The following COX18 variants were observed in gnomAD, a reference collection of about 807,000 sequenced individuals.
The protein encoded by COX18 is cytochrome c oxidase assembly factor COX18.
COX18 carries 45 observed loss-of-function variants against 38.0 expected under a neutral mutation model. That is an observed-to-expected ratio of 1.18 (90% CI 0.93 to 1.52). COX18 has a LOEUF of 1.52. Ranked by LOEUF, COX18 falls within the 40% of genes most tolerant of loss-of-function variation. The probability of loss-of-function intolerance (pLI) is 0.00; values close to 1 mark genes in which losing one functional copy is unlikely to be tolerated. For synonymous variants in COX18, 177 were observed against 169.8 expected, an observed-to-expected ratio of 1.04 and a Z score of -0.33; for missense variants, 462 against 423.8, an observed-to-expected ratio of 1.09 and a Z score of -0.79.
intron 4 of COX18, among the ~76,000 whole-genome samples, chr4:73,063,879 A>C (rs1278619239): frequency 6.6e-6 from 1 of 152,242 alleles, no homozygotes; most frequent in African/African-American, 2.4e-5. Context: ...AATCATTTTT[A>C]AGATTTCTTC....
In COX18 at chr4:73,069,615, G is replaced by T; in HGVS notation, c.35C>A (p.Pro12Gln). ...AGCCCAAAGCTGCAGGGCAGGGAGC[G>T]GCCGCAGCCACCGACCGCCGAGCCG... ...LCRLGGRWLR[P>Q]LPALQLWARD... The change falls in exon 1 of 6, where the codon CCG becomes CAG. Residue 12 changes from proline (P) to glutamine (Q), a missense_variant. Physicochemically the swap from Pro to Gln is moderately conservative, Grantham distance 76. Coordinates refer to ENST00000507544, the MANE Select transcript of COX18 (RefSeq NM_001297732.2). 6.4e-7 allele frequency: 1 copy of T among 1,552,656 alleles called. No individual in the cohort carries two copies. The highest frequency in any genetic ancestry group is 8.7e-7 in the Non-Finnish European group (1 of 1,152,874).
intron 5 of COX18, among the ~76,000 whole-genome samples, chr4:73,061,202 G>C (rs1295446771): frequency 1.3e-5 from 2 of 152,074 alleles, no homozygotes; most frequent in African/African-American, 4.8e-5. Context: ...ATTTTGTTTT[G>C]TTTCTTTTTA....
Position 73,061,982 on chromosome 4 carries a change from C to T in COX18, c.724-62G>A, listed in dbSNP as rs112410933. ...TAAAACGCATATTAAATCAGACAAGCTTTAAAATATAAACTGATTTTTCAC... is the reference window on the plus strand; with the variant it reads ...TAAAACGCATATTAAATCAGACAAGTTTTAAAATATAAACTGATTTTTCAC... On this transcript the variant is annotated intron_variant, in intron 4 of 5. Transcript: ENST00000507544. 2.1e-4 allele frequency: 178 copies of T among 867,998 alleles called. 1 individual carries two copies. The African/African-American group carries it at 2.5e-3, about 12-fold the overall frequency. 53.8% of individuals were successfully genotyped at this position (867,998 alleles called of 1,614,324 possible).
intron 5 of COX18, among the ~76,000 whole-genome samples, chr4:73,060,051 C>T (rs1720072746): frequency 6.6e-6 from 1 of 152,194 alleles, no homozygotes; most frequent in African/African-American, 2.4e-5. Context: ...CTTTTCTATT[C>T]CTGCATGATA....
rs1445639084 is a variant in COX18 at position 73,069,474 on chromosome 4, G to T, written c.176C>A (p.Ala59Asp). ...CGCAACCCGCACCGGCGAAGACGCG[G>T]CCAGGGCCTCGTACCAGCCGTTCGC... Reference protein sequence around the residue: ...VHANGWYEALAASSPVRVAEE... With the variant: ...VHANGWYEALDASSPVRVAEE... Residue 59 changes from alanine (A) to aspartate (D), a missense_variant, in exon 1 of 6, where the codon GCC becomes GAC. Transcript: ENST00000507544. The T allele has an allele frequency of 6.3e-7, 1 of 1,592,446 alleles. No individual in the cohort carries two copies. Among genetic ancestry groups the T allele is most frequent in the Non-Finnish European group, 8.5e-7 (1 of 1,170,818 alleles).
chr4:73,069,695 G>A lies in COX18; in HGVS notation c.-46C>T, dbSNP rs1354823451. ...CAGATCCCGGGCCTCACAATCCAGC[G>A]GACATACACCGGCCAGCCAAGGCTG... On this transcript the variant is annotated 5_prime_UTR_variant, in exon 1 of 6. Transcript: ENST00000507544. 17 of 1,516,744 alleles carry A rather than the reference G, an allele frequency of 1.1e-5. No homozygotes were observed. In the Admixed American group the frequency reaches 1.2e-4, roughly 11 times the overall value. The allele number at this position is 1,516,744 out of a possible 1,614,324, so 94.0% of individuals were successfully genotyped here.
chr4:73,068,169 T>TC, intron 1 of COX18, 40 bp from the exon 2 acceptor site: 1 of 1,267,556 alleles, frequency 7.9e-7, no homozygotes. Context: ...ACATAAAGGA[T>TC]CTTTATTCAT....
rs1277713796 is a variant in COX18, at chr4:73,057,640, AT to A, written c.*473del. 1 of 152,688 alleles carries A rather than the reference AT, an allele frequency of 6.5e-6. No individual in the cohort carries two copies. Among genetic ancestry groups the A allele is most frequent in the East Asian group, 1.9e-4 (1 of 5,200 alleles). The allele number at this position is 152,688 out of a possible 1,614,324, so 9.5% of individuals were successfully genotyped here. On this transcript the variant is annotated 3_prime_UTR_variant, in exon 6 of 6. Transcript: ENST00000507544. ...ATACTGCATTTATAACATTTAAAAG[AT>A]TTTAATTACTGTCAAATATATCTGG...
At chr4:73,069,734 C>A (rs1049640877), upstream of COX18, 27 of 1,322,824 alleles carry the variant, frequency 2.0e-5, no homozygotes, top group Admixed American at 4.2e-4. Context: ...CGCGCACGCG[C>A]CAGCAACAGC....
chr4:73,064,648 A>G (rs114058063), intron 4 of COX18, 130 bp downstream of exon 4: 14,486 of 1,061,998 alleles, frequency 0.014, 137 homozygotes, highest in Middle Eastern at 0.023. Flanking sequence ...ACGTGGAACC[A>G]GGAACCAAGG....
intron 4 of COX18, among the ~76,000 whole-genome samples, chr4:73,063,482 T>C (rs564202020): frequency 2.0e-5 from 3 of 152,330 alleles, no homozygotes; most frequent in African/African-American, 7.2e-5. Flanking sequence ...CCTCCATCTC[T>C]TGGGCTCAAA....
At position 73,054,630 on chromosome 4, in the gene COX18, C is replaced by T. The variant is rs1719823809; in HGVS notation, c.*3484G>A. On this transcript the variant is annotated 3_prime_UTR_variant, in exon 6 of 6. Coordinates refer to ENST00000507544, the MANE Select transcript of COX18 (RefSeq NM_001297732.2). ...AATGGGAGAGCAACAGGAAACTAAG[C>T]ACAATATACATTTGTAAAGATACAA... 1 of 152,110 alleles carries T rather than the reference C, an allele frequency of 6.6e-6. No homozygotes were observed. Among genetic ancestry groups the T allele is most frequent in the African/African-American group, 2.4e-5 (1 of 41,410 alleles). The allele number at this position is 152,110 out of a possible 1,614,324, so 9.4% of individuals were successfully genotyped here.
chr4:73,067,864 A>AAAAAAATATATCTAT, intron 2 of COX18, among the ~76,000 whole-genome samples, 165 bp downstream of exon 2: 1 of 20,010 alleles, frequency 5.0e-5, no homozygotes, highest in Non-Finnish European at 1.6e-4. Flanking sequence ...AAAAAAAAAA[A>AAAAAAATATATCTAT]ATATATATAT....
In COX18 at chr4:73,061,822, C is replaced by T. The variant is rs145920839; in HGVS notation, c.822G>A (p.Thr274=). The change falls in exon 5 of 6, where the codon ACG becomes ACA. Residue 274 remains threonine, a synonymous_variant. Coordinates refer to ENST00000507544, the MANE Select transcript of COX18 (RefSeq NM_001297732.2). ...MSVLMIPIAA[T]VPSSIVLYWL... The stretch of plus-strand genomic sequence containing the variant: ...ATTGGTGCTTACTCACTGAGGGTAC[C>T]GTTGCAGCAATTGGTATCATCAACA... 6.0e-4 allele frequency: 956 copies of T among 1,603,592 alleles called. No individual in the cohort carries two copies. The highest frequency in any genetic ancestry group is 7.6e-4 in the Non-Finnish European group (888 of 1,170,756).
chr4:73,059,019 T>G (rs1225218033), intron 5 of COX18, among the ~76,000 whole-genome samples: 1 of 152,198 alleles, frequency 6.6e-6, no homozygotes, highest in Non-Finnish European at 1.5e-5. Context: ...GCTGCTAATC[T>G]GACAGGAGGT....
At chr4:73,068,193 C>T in intron 1 of COX18, 64 bp from the exon 2 acceptor site, 1 of 981,120 alleles carries the variant, frequency 1.0e-6, no homozygotes, top group Non-Finnish European at 1.5e-6. Flanking sequence ...GACTCATAAT[C>T]TTTCACATTA....
rs1198802297 is a variant in COX18, at chr4:73,054,017, G to T, written c.*4097C>A. ...AAGCATTCATTAAGACAGTGAATCT[G>T]GCCTAGAGACAAAAATGAGACCCAC... On this transcript the variant is annotated 3_prime_UTR_variant, in exon 6 of 6. Coordinates refer to ENST00000507544, the MANE Select transcript of COX18 (RefSeq NM_001297732.2). The T allele has an allele frequency of 6.6e-6, 1 of 152,184 alleles. No individual in the cohort carries two copies. The highest frequency in any genetic ancestry group is 2.4e-5 in the African/African-American group (1 of 41,454). The allele number at this position is 152,184 out of a possible 1,614,324, so 9.4% of individuals were successfully genotyped here. A position where few individuals can be genotyped will look rare whatever the true frequency, so the allele number is the denominator to read the frequency against.
In COX18 at chr4:73,052,444, C is replaced by T. The variant is rs904550407; in HGVS notation, c.*5670G>A. 2.0e-5 allele frequency: 3 copies of T among 151,932 alleles called. No individual in the cohort carries two copies. The highest frequency in any genetic ancestry group is 7.2e-5 in the African/African-American group (3 of 41,382). The allele number at this position is 151,932 out of a possible 1,614,324, so 9.4% of individuals were successfully genotyped here. A position where few individuals can be genotyped will look rare whatever the true frequency, so the allele number is the denominator to read the frequency against. ...ATACACAGTACAGAACCACAGCGTTCCAGAAACTTTTGGGTAAATAAAATT... is the reference window on the plus strand; with the variant it reads ...ATACACAGTACAGAACCACAGCGTTTCAGAAACTTTTGGGTAAATAAAATT... On this transcript the variant is annotated 3_prime_UTR_variant, in exon 6 of 6. Coordinates refer to ENST00000507544, the MANE Select transcript of COX18 (RefSeq NM_001297732.2).
chr4:73,058,575 A>G (rs1287104709), intron 5 of COX18, among the ~76,000 whole-genome samples: 2 of 152,328 alleles, frequency 1.3e-5, no homozygotes, highest in East Asian at 3.9e-4. Context: ...CTTCTTCGAC[A>G]ATGGAACATA....
Sources: gnomAD v4.1 joint callset for allele counts (sites outside exome capture counted in the v4.1 genomes callset) on GRCh38, gnomAD v4.1.1 for gene constraint, MANE v1.5 for transcripts, NCBI Gene and HGNC (gene_info 2026-07-23, HGNC 2026-07-21) for gene names.